MYO5B: variants seen among roughly 807,000 people sequenced by gnomAD.
MYO5B encodes unconventional myosin-Vb.
Under a neutral mutation model 229.3 loss-of-function variants are expected in MYO5B, and 143 were observed. The observed-to-expected ratio is 0.62, with a 90% CI of 0.54 to 0.72. MYO5B has a LOEUF of 0.72. Ranked by LOEUF, MYO5B falls within the 30% of genes least tolerant of loss-of-function variation. MYO5B has a pLI of 0.00. For synonymous variants in MYO5B, 918 were observed against 885.2 expected, an observed-to-expected ratio of 1.04 and a Z score of -0.66; for missense variants, 2,321 against 2,331.0, an observed-to-expected ratio of 1.00 and a Z score of 0.09.
intron 1 of MYO5B, among the ~76,000 whole-genome samples, chr18:50,094,218 T>A (rs908326813): frequency 6.6e-6 from 1 of 152,188 alleles, no homozygotes; most frequent in Non-Finnish European, 1.5e-5. Context: ...TCATGGTATA[T>A]TAACCAAAAA....
chr18:49,886,067 G>A (rs577743872), intron 22 of MYO5B, among the ~76,000 whole-genome samples: 2 of 152,176 alleles, frequency 1.3e-5, no homozygotes, highest in South Asian at 4.2e-4. Context: ...AGCCTCCTGA[G>A]TAGCTAGGAC....
At chr18:49,971,727 T>C (rs1176048738) in intron 10 of MYO5B, among the ~76,000 whole-genome samples, 1 of 152,204 alleles carries the variant, frequency 6.6e-6, no homozygotes. Flanking sequence ...TGGCAACCAA[T>C]GGCCCAGGCA....
chr18:50,091,263 T>G (rs1398552120), intron 1 of MYO5B, among the ~76,000 whole-genome samples: 12 of 152,214 alleles, frequency 7.9e-5, no homozygotes, highest in Admixed American at 7.2e-4. Context: ...GATCAACTAC[T>G]GCGTATTTAC....
At chr18:50,070,978 A>G (rs2030945075) in intron 1 of MYO5B, among the ~76,000 whole-genome samples, 1 of 152,148 alleles carries the variant, frequency 6.6e-6, no homozygotes, top group Non-Finnish European at 1.5e-5. Flanking sequence ...AATTGCAAAC[A>G]GTCTTGTATG....
chr18:50,008,346 T>A (rs1007080895), intron 4 of MYO5B, among the ~76,000 whole-genome samples: 5 of 152,192 alleles, frequency 3.3e-5, no homozygotes, highest in Non-Finnish European at 5.9e-5. Flanking sequence ...CAATCTCACA[T>A]ACAAGGACTT....
chr18:49,992,321 A>G lies in MYO5B; in HGVS notation c.723T>C (p.Thr241=). The G allele has an allele frequency of 6.2e-7, 1 of 1,614,194 alleles. No individual in the cohort carries two copies. The highest frequency in any genetic ancestry group is 8.5e-7 in the Non-Finnish European group (1 of 1,180,034). ...CCACTCTGGACTTCTCCAAGAGGTA[A>G]GTCCTCATGTTGGCCCCGATGATGT... ...RYHIIGANMR[T]YLLEKSRVVF... Residue 241 remains threonine (T), a synonymous_variant, in exon 6 of 40, where the codon ACT becomes ACC. Coordinates refer to ENST00000285039, the MANE Select transcript of MYO5B (RefSeq NM_001080467.3).
chr18:50,005,022 T>C (rs2026086493), intron 4 of MYO5B, among the ~76,000 whole-genome samples: 1 of 152,192 alleles, frequency 6.6e-6, no homozygotes, highest in Non-Finnish European at 1.5e-5. Context: ...AGAACTCTGA[T>C]CCCTGAAGCC....
At chr18:49,951,362 T>C (rs1457591634) in intron 14 of MYO5B, among the ~76,000 whole-genome samples, 1 of 152,186 alleles carries the variant, frequency 6.6e-6, no homozygotes, top group African/African-American at 2.4e-5. Context: ...TTCTCTTCCA[T>C]AGCACCTTCT....
intron 2 of MYO5B, among the ~76,000 whole-genome samples, chr18:50,052,094 T>G (rs2030409034): frequency 6.6e-6 from 1 of 152,158 alleles, no homozygotes; most frequent in South Asian, 2.1e-4. Flanking sequence ...GGAACACTTT[T>G]ACACTGCTGG....
At chr18:50,108,688 T>A (rs72917900) in intron 1 of MYO5B, among the ~76,000 whole-genome samples, 1 of 152,062 alleles carries the variant, frequency 6.6e-6, no homozygotes, top group Non-Finnish European at 1.5e-5. Context: ...TAAGGAGGTA[T>A]GCAGCAATTA....
At chr18:49,849,796 C>T in intron 31 of MYO5B, 136 bp from the exon 32 acceptor site, 1 of 748,974 alleles carries the variant, frequency 1.3e-6, no homozygotes. Context: ...AGGGACGCTG[C>T]CAGGAGAGCT....
intron 22 of MYO5B, among the ~76,000 whole-genome samples, chr18:49,883,230 A>T (rs537287920): frequency 1.3e-5 from 2 of 152,360 alleles, no homozygotes; most frequent in Admixed American, 1.3e-4. Flanking sequence ...CTATCTGCAG[A>T]TGACACAATC....
At chr18:49,882,733 A>T (rs2024602345) in intron 22 of MYO5B, among the ~76,000 whole-genome samples, 1 of 151,694 alleles carries the variant, frequency 6.6e-6, no homozygotes, top group African/African-American at 2.4e-5. Flanking sequence ...AGAGCAGTTG[A>T]TCAATATATG....
intron 22 of MYO5B, 188 bp from the exon 23 acceptor site, chr18:49,880,643 A>T: frequency 1.6e-6 from 1 of 625,214 alleles, no homozygotes; most frequent in East Asian, 2.8e-5. Flanking sequence ...AACAAGACAG[A>T]TGAGCTCAGC....
Position 49,864,301 on chromosome 18 carries a change from G to T in MYO5B, c.3683C>A (p.Thr1228Lys), listed in dbSNP as rs1183569079. The T allele has an allele frequency of 1.9e-6, 3 of 1,614,186 alleles. No homozygotes were observed. The highest frequency in any genetic ancestry group is 2.5e-6 in the Non-Finnish European group (3 of 1,180,044). Reference protein sequence around the residue: ...ELRKAVADQATQNNSSHGSPD... With the variant: ...ELRKAVADQAKQNNSSHGSPD... ...GGAGCCGTGGCTGGAGTTATTCTGCGTGGCTTGGTCGGCCACGGCTTTCCT... is the reference window on the plus strand; with the variant it reads ...GGAGCCGTGGCTGGAGTTATTCTGCTTGGCTTGGTCGGCCACGGCTTTCCT... The change falls in exon 28 of 40, where the codon ACG (threonine) becomes AAG (lysine). Residue 1228 changes from threonine (T) to lysine (K), a missense_variant. Around this residue, in one of 2 missense-constraint regions of MYO5B, gnomAD observed 2,113 missense variants for 2,044.7 expected, o/e 1.03. Coordinates refer to ENST00000285039, the MANE Select transcript of MYO5B (RefSeq NM_001080467.3).
intron 1 of MYO5B, among the ~76,000 whole-genome samples, chr18:50,119,615 C>T (rs1269815527): frequency 1.3e-5 from 2 of 152,254 alleles, no homozygotes; most frequent in African/African-American, 4.8e-5. Flanking sequence ...GGTCAGTGAG[C>T]GGCAGGAATT....
At chr18:49,901,890 G>A (rs576339853) in intron 21 of MYO5B, among the ~76,000 whole-genome samples, 26 of 152,290 alleles carry the variant, frequency 1.7e-4, no homozygotes, top group South Asian at 6.2e-4. Flanking sequence ...AATACTTGCC[G>A]TAGGAGGGCC....
At chr18:49,943,891 A>G (rs544660153) in intron 14 of MYO5B, among the ~76,000 whole-genome samples, 9 of 152,308 alleles carry the variant, frequency 5.9e-5, no homozygotes, top group Middle Eastern at 6.8e-3. Flanking sequence ...GGATTCTCTT[A>G]GGGAGGGAAG....
chr18:50,031,195 G>A (rs140734656), intron 4 of MYO5B, among the ~76,000 whole-genome samples: 1 of 152,236 alleles, frequency 6.6e-6, no homozygotes, highest in Non-Finnish European at 1.5e-5. Flanking sequence ...ACCCATTAAG[G>A]GAGGTAGAAC....
Sources: allele counts gnomAD v4.1 joint callset (sites outside exome capture counted in the v4.1 genomes callset), GRCh38; gene constraint gnomAD v4.1.1; regional missense constraint gnomAD v4.1.1; transcripts MANE v1.5; gene names NCBI Gene and HGNC (gene_info 2026-07-23, HGNC 2026-07-21).